Variants in GALNT13 observed in about 807,000 individuals in gnomAD.
The protein encoded by GALNT13 is polypeptide N-acetylgalactosaminyltransferase 13, also known as UDP-GalNAc:polypeptide N-acetylgalactosaminyltransferase 13.
A neutral mutation model predicts 64.2 loss-of-function variants in GALNT13; 28 were observed. The observed-to-expected ratio is 0.44, with a 90% CI of 0.32 to 0.60. GALNT13 has a LOEUF of 0.60. GALNT13 is among the 20% of genes least tolerant of loss of function. The probability of loss-of-function intolerance (pLI) is 0.05; values close to 1 mark genes in which losing one functional copy is unlikely to be tolerated. For missense variants in GALNT13, 577 were observed against 669.8 expected, an observed-to-expected ratio of 0.86 and a Z score of 1.53; for synonymous variants, 214 against 224.6, an observed-to-expected ratio of 0.95 and a Z score of 0.42.
intron 3 of GALNT13, among the ~76,000 whole-genome samples, chr2:154,075,467 A>G (rs1212447972): frequency 6.6e-6 from 1 of 151,864 alleles, no homozygotes; most frequent in African/African-American, 2.4e-5. Context: ...ATCATTAAAT[A>G]TTCCTCTATA....
At chr2:153,914,703 T>C (rs1346059424) in intron 2 of GALNT13, among the ~76,000 whole-genome samples, 3 of 152,144 alleles carry the variant, frequency 2.0e-5, no homozygotes, top group African/African-American at 7.2e-5. Flanking sequence ...CGATGATTTA[T>C]ATTGATATTA....
the GALNT13 span, among the ~76,000 whole-genome samples, chr2:153,832,562 T>G: frequency 2.0e-5 from 3 of 152,186 alleles, no homozygotes; most frequent in African/African-American, 7.2e-5. Context: ...GTTGATTGTT[T>G]GCTAACAGAT....
the GALNT13 span, among the ~76,000 whole-genome samples, chr2:153,743,725 A>G: frequency 6.6e-6 from 1 of 152,158 alleles, no homozygotes; most frequent in Admixed American, 6.5e-5. Flanking sequence ...TTAAGTTATT[A>G]TTGACTAGAG....
chr2:154,366,094 T>G (rs1697346873), intron 9 of GALNT13, among the ~76,000 whole-genome samples: 1 of 152,154 alleles, frequency 6.6e-6, no homozygotes, highest in South Asian at 2.1e-4. Flanking sequence ...CCTGATTGTA[T>G]GAACATATAT....
intron 9 of GALNT13, among the ~76,000 whole-genome samples, chr2:154,318,161 A>G (rs143728391): frequency 5.8e-4 from 88 of 152,144 alleles, no homozygotes; most frequent in Admixed American, 5.3e-3. Flanking sequence ...TTTCTTATTA[A>G]TTTGTGTGAT....
intron 3 of GALNT13, among the ~76,000 whole-genome samples, chr2:154,030,297 C>T (rs1320521771): frequency 6.6e-6 from 1 of 151,818 alleles, no homozygotes; most frequent in Admixed American, 6.6e-5. Flanking sequence ...GAAGACATCC[C>T]AAGAAAAAGA....
At chr2:153,665,874 C>T in the GALNT13 span, among the ~76,000 whole-genome samples, 1 of 152,092 alleles carries the variant, frequency 6.6e-6, no homozygotes, top group East Asian at 1.9e-4. Flanking sequence ...GGACTCCAGG[C>T]AGTGTGGAGC....
chr2:153,462,241 T>G, the GALNT13 span, among the ~76,000 whole-genome samples: 1 of 152,126 alleles, frequency 6.6e-6, no homozygotes, highest in East Asian at 1.9e-4. Flanking sequence ...AAAAAAATCT[T>G]AAATTATTTC....
At chr2:153,944,755 T>C (rs1295691501) in intron 3 of GALNT13, 116 bp downstream of exon 3, 7 of 814,528 alleles carry the variant, frequency 8.6e-6, no homozygotes, top group Non-Finnish European at 1.4e-5. Context: ...AAGAGCATTT[T>C]GGCAGCACTA....
the GALNT13 span, among the ~76,000 whole-genome samples, chr2:153,247,505 A>G: frequency 5.3e-5 from 8 of 152,340 alleles, no homozygotes; most frequent in East Asian, 1.3e-3. Context: ...GCACAACTAC[A>G]TGGAAATTCA....
intron 7 of GALNT13, among the ~76,000 whole-genome samples, chr2:154,252,606 T>G (rs1454889902): frequency 6.6e-6 from 1 of 152,142 alleles, no homozygotes; most frequent in Non-Finnish European, 1.5e-5. Flanking sequence ...TCCGCCTGCC[T>G]CAGCCTCCCA....
chr2:154,263,678 C>A (rs1416210511), intron 8 of GALNT13, among the ~76,000 whole-genome samples: 1 of 152,174 alleles, frequency 6.6e-6, no homozygotes, highest in Non-Finnish European at 1.5e-5. Flanking sequence ...TATACTTCCA[C>A]AACATCATTG....
chr2:154,140,304 G>A, intron 3 of GALNT13, 33 bp from the exon 4 acceptor site: 2 of 1,540,366 alleles, frequency 1.3e-6, no homozygotes, highest in Non-Finnish European at 1.8e-6. Flanking sequence ...CTGTGTGTTT[G>A]TATGTATGTC....
intron 3 of GALNT13, among the ~76,000 whole-genome samples, chr2:154,120,737 C>T (rs545120179): frequency 6.6e-6 from 1 of 152,142 alleles, no homozygotes; most frequent in East Asian, 1.9e-4. Context: ...GCCTAGGGAC[C>T]CAAGGTAAGT....
At chr2:153,600,190 CTGTT>C in the GALNT13 span, among the ~76,000 whole-genome samples, 1 of 152,030 alleles carries the variant, frequency 6.6e-6, no homozygotes, top group African/African-American at 2.4e-5. Context: ...CATGCAGCCT[CTGTT>C]TGTCATTTCT....
chr2:153,584,310 A>C, the GALNT13 span, among the ~76,000 whole-genome samples: 1 of 152,108 alleles, frequency 6.6e-6, no homozygotes, highest in Non-Finnish European at 1.5e-5. Flanking sequence ...CCTCCAAGAC[A>C]CAGCACAGTA....
At chr2:153,862,105 C>A in the GALNT13 span, among the ~76,000 whole-genome samples, 1 of 152,072 alleles carries the variant, frequency 6.6e-6, no homozygotes, top group Non-Finnish European at 1.5e-5. Flanking sequence ...TAAAAGTGAA[C>A]TTTTCAAATT....
At chr2:153,629,947 G>T in the GALNT13 span, among the ~76,000 whole-genome samples, 4 of 147,854 alleles carry the variant, frequency 2.7e-5, no homozygotes, top group African/African-American at 1.0e-4. Context: ...ACCACTATGA[G>T]ATATCATCTC....
At chr2:153,346,825 AT>A in the GALNT13 span, among the ~76,000 whole-genome samples, 1 of 152,306 alleles carries the variant, frequency 6.6e-6, no homozygotes, top group South Asian at 2.1e-4. Context: ...TAAAAATTGA[AT>A]TCCCATTGTA....
Sources: allele counts gnomAD v4.1 joint callset (sites outside exome capture counted in the v4.1 genomes callset), GRCh38; gene constraint gnomAD v4.1.1; transcripts MANE v1.5; gene names NCBI Gene and HGNC (gene_info 2026-07-23, HGNC 2026-07-21).